MRPL1: variants seen among roughly 807,000 people sequenced by gnomAD.
MRPL1 encodes mitochondrial ribosomal protein L1, also known as large ribosomal subunit protein uL1m.
Under a neutral mutation model 38.0 loss-of-function variants are expected in MRPL1, and 28 were observed. The ratio of observed to expected loss-of-function variants is 0.74; its 90% CI spans 0.55 to 1.01. MRPL1 has a LOEUF of 1.01. Among genes scored for constraint, MRPL1 ranks in the 50% least tolerant of loss-of-function variants. MRPL1 has a pLI of 0.00. For missense variants in MRPL1, 358 were observed against 389.8 expected (o/e 0.92, Z 0.69); for synonymous variants, 123 against 126.7 (o/e 0.97, Z 0.20).
At chr4:77,863,385 A>G (rs1409968402) in intron 1 of MRPL1, among the ~76,000 whole-genome samples, 2 of 148,058 alleles carry the variant, frequency 1.4e-5, no homozygotes, top group African/African-American at 5.0e-5. Context: ...ATTCTGTAGT[A>G]CCTCTTGGTA....
chr4:77,915,730 A>G (rs1244480241), intron 7 of MRPL1, among the ~76,000 whole-genome samples: 2 of 152,008 alleles, frequency 1.3e-5, no homozygotes, highest in Non-Finnish European at 2.9e-5. Context: ...TGTTCTTAAT[A>G]TTTCCTACCA....
At chr4:77,877,663 T>C (rs762031373) in intron 2 of MRPL1, among the ~76,000 whole-genome samples, 8 of 150,198 alleles carry the variant, frequency 5.3e-5, no homozygotes, top group Non-Finnish European at 8.9e-5. Flanking sequence ...ACCTTGGGGT[T>C]GGGGTTTTCT....
At chr4:77,887,803 G>A (rs574153799) in intron 5 of MRPL1, among the ~76,000 whole-genome samples, 1 of 152,202 alleles carries the variant, frequency 6.6e-6, no homozygotes, top group African/African-American at 2.4e-5. Flanking sequence ...ACAGGTGTGA[G>A]CCACCACACC....
intron 1 of MRPL1, among the ~76,000 whole-genome samples, chr4:77,865,036 C>T (rs1009706696): frequency 9.9e-5 from 15 of 151,748 alleles, no homozygotes; most frequent in African/African-American, 3.2e-4. Flanking sequence ...ATTACAGGCG[C>T]GTGCCACCAT....
intron 1 of MRPL1, among the ~76,000 whole-genome samples, chr4:77,866,381 A>T (rs1039415681): frequency 3.3e-5 from 5 of 152,194 alleles, no homozygotes; most frequent in Admixed American, 1.3e-4. Context: ...ATTTAATAAT[A>T]CTTTGGGGTA....
intron 7 of MRPL1, among the ~76,000 whole-genome samples, chr4:77,941,760 TTTC>T (rs1429665132): frequency 6.6e-6 from 1 of 152,178 alleles, no homozygotes; most frequent in Non-Finnish European, 1.5e-5. Context: ...ATTTTCTCTT[TTTC>T]TTCATTAATC....
At chr4:77,952,464 A>G in intron 8 of MRPL1, 25 bp from the exon 9 acceptor site, 1 of 1,512,734 alleles carries the variant, frequency 6.6e-7, no homozygotes, top group Non-Finnish European at 9.2e-7. Context: ...TAAAAATCAA[A>G]GTTGATTCTC....
At chr4:77,930,131 G>A (rs1736811781) in intron 7 of MRPL1, among the ~76,000 whole-genome samples, 1 of 152,216 alleles carries the variant, frequency 6.6e-6, no homozygotes, top group South Asian at 2.1e-4. Flanking sequence ...AACACTGCCT[G>A]AAATTAGGCA....
intron 5 of MRPL1, among the ~76,000 whole-genome samples, chr4:77,891,783 T>G (rs1051432037): frequency 6.6e-6 from 1 of 152,216 alleles, no homozygotes; most frequent in Non-Finnish European, 1.5e-5. Flanking sequence ...TTTTTTAAAG[T>G]AACCCAAATA....
At chr4:77,922,633 A>G (rs953308973) in intron 7 of MRPL1, among the ~76,000 whole-genome samples, 3 of 152,258 alleles carry the variant, frequency 2.0e-5, no homozygotes, top group Non-Finnish European at 4.4e-5. Flanking sequence ...GACTGGAGTC[A>G]GGATATACTT....
chr4:77,862,982 G>C (rs1186440273), intron 1 of MRPL1, 103 bp downstream of exon 1: 2 of 1,435,738 alleles, frequency 1.4e-6, no homozygotes, highest in Non-Finnish European at 1.9e-6. Flanking sequence ...AAAATGCCTC[G>C]TGCTGTTTCT....
rs755712731 is a variant in MRPL1, at chr4:77,883,190, A to ATTTT, written c.144-52_144-51insTTTT. 5.6e-4 allele frequency: 658 copies of ATTTT among 1,177,664 alleles called. 5 individuals carry two copies. In the African/African-American group the frequency reaches 9.5e-3, roughly 17 times the overall value. The allele number at this position is 1,177,664 out of a possible 1,614,324, so 73.0% of individuals were successfully genotyped here. ...TATGTACACTGGCTTTTTTTTTAAA[A>ATTTT]AAAATCTCTTAGGATATATATTGAT... On this transcript the variant is annotated intron_variant, in intron 2 of 8. Coordinates refer to ENST00000315567, the MANE Select transcript of MRPL1 (RefSeq NM_020236.4).
At chr4:77,867,119 A>G (rs1295601599) in intron 1 of MRPL1, among the ~76,000 whole-genome samples, 1 of 152,054 alleles carries the variant, frequency 6.6e-6, no homozygotes, top group East Asian at 1.9e-4. Flanking sequence ...CCACTGATAC[A>G]ATCCCTTTTA....
chr4:77,941,787 A>G (rs1737137408), intron 7 of MRPL1, among the ~76,000 whole-genome samples: 1 of 152,002 alleles, frequency 6.6e-6, no homozygotes, highest in Non-Finnish European at 1.5e-5. Context: ...GTAATCATCT[A>G]TCGATTTTAT....
At chr4:77,947,477 A>G (rs1014779918) in intron 7 of MRPL1, among the ~76,000 whole-genome samples, 18 of 152,152 alleles carry the variant, frequency 1.2e-4, no homozygotes, top group African/African-American at 4.1e-4. Flanking sequence ...CCCTTGCTGT[A>G]CCAAATCATA....
intron 7 of MRPL1, among the ~76,000 whole-genome samples, chr4:77,946,177 C>A (rs1037429874): frequency 3.9e-5 from 6 of 152,068 alleles, no homozygotes; most frequent in Non-Finnish European, 7.4e-5. Context: ...TTCCTAGGGT[C>A]TTAATATTTA....
intron 7 of MRPL1, among the ~76,000 whole-genome samples, chr4:77,928,650 A>G (rs1736773421): frequency 6.6e-6 from 1 of 152,180 alleles, no homozygotes; most frequent in Non-Finnish European, 1.5e-5. Flanking sequence ...GAAAGAGGAA[A>G]AACTAATATT....
chr4:77,946,781 A>C (rs977915754), intron 7 of MRPL1, among the ~76,000 whole-genome samples: 1 of 152,194 alleles, frequency 6.6e-6, no homozygotes, highest in East Asian at 1.9e-4. Context: ...AGTGTGGTCC[A>C]GGGATCCTTT....
intron 7 of MRPL1, among the ~76,000 whole-genome samples, chr4:77,932,201 G>A (rs932948315): frequency 2.0e-5 from 3 of 152,206 alleles, no homozygotes; most frequent in African/African-American, 7.2e-5. Flanking sequence ...TGCATTCAAA[G>A]TCAAACTGGA....
Sources: gnomAD v4.1 joint callset for allele counts (sites outside exome capture counted in the v4.1 genomes callset) on GRCh38, gnomAD v4.1.1 for gene constraint, MANE v1.5 for transcripts, NCBI Gene and HGNC (gene_info 2026-07-23, HGNC 2026-07-21) for gene names.